MERTK: variants seen among roughly 807,000 people sequenced by gnomAD.
The protein encoded by MERTK is tyrosine-protein kinase Mer.
A neutral mutation model predicts 99.3 loss-of-function variants in MERTK; 69 were observed. The ratio of observed to expected loss-of-function variants is 0.70; its 90% CI spans 0.57 to 0.85. The LOEUF is 0.85. Among genes scored for constraint, MERTK ranks in the 40% least tolerant of loss-of-function variants. The probability of loss-of-function intolerance (pLI) is 0.00; values close to 1 mark genes in which losing one functional copy is unlikely to be tolerated. For missense variants in MERTK, 1,125 were observed against 1,249.4 expected (o/e 0.90, Z 1.50); for synonymous variants, 426 against 467.6 (o/e 0.91, Z 1.15).
At chr2:111,934,654 G>A (rs1212555888) in intron 2 of MERTK, among the ~76,000 whole-genome samples, 1 of 151,894 alleles carries the variant, frequency 6.6e-6, no homozygotes, top group African/African-American at 2.4e-5. Flanking sequence ...AAATTTTCTC[G>A]CATTCTGTAG....
At chr2:111,968,355 T>C in intron 6 of MERTK, 103 bp downstream of exon 6, 1 of 901,758 alleles carries the variant, frequency 1.1e-6, no homozygotes, top group South Asian at 1.4e-5. Flanking sequence ...TTTCTCCATC[T>C]CTGTACAGAG....
In MERTK at chr2:111,947,583, G is replaced by C; in HGVS notation, c.757+16G>C. The C allele has an allele frequency of 6.2e-7, 1 of 1,613,448 alleles. No individual in the cohort carries two copies. The highest frequency in any genetic ancestry group is 8.5e-7 in the Non-Finnish European group (1 of 1,179,850). ...ACTGTTCCAGGTAAGTCCGAGCTGT[G>C]GGCTTATTGATTTATTCTCTAATAG... On this transcript the variant is annotated intron_variant, in intron 4 of 18. Coordinates refer to ENST00000295408, the MANE Select transcript of MERTK (RefSeq NM_006343.3).
chr2:111,910,480 G>C (rs1684222322), intron 1 of MERTK, among the ~76,000 whole-genome samples: 1 of 151,866 alleles, frequency 6.6e-6, no homozygotes, highest in African/African-American at 2.4e-5. Flanking sequence ...ATGTTGGCCA[G>C]GCTGATCTCG....
chr2:111,909,324 C>T (rs545474356), intron 1 of MERTK, among the ~76,000 whole-genome samples: 1 of 152,094 alleles, frequency 6.6e-6, no homozygotes, highest in African/African-American at 2.4e-5. Context: ...TAATGAAAGC[C>T]CACCAGAAGT....
intron 8 of MERTK, among the ~76,000 whole-genome samples, chr2:111,983,238 A>G (rs1466802422): frequency 6.6e-6 from 1 of 152,166 alleles, no homozygotes; most frequent in African/African-American, 2.4e-5. Context: ...TTACTTATTC[A>G]TGAGATAGAC....
At chr2:111,901,747 A>C (rs6541942) in intron 1 of MERTK, among the ~76,000 whole-genome samples, 3 of 149,856 alleles carry the variant, frequency 2.0e-5, no homozygotes, top group Admixed American at 2.0e-4. Flanking sequence ...TAGAGACAGG[A>C]TCTCACTATG....
chr2:111,914,676 CT>C (rs1178937402), intron 1 of MERTK, among the ~76,000 whole-genome samples: 7 of 152,046 alleles, frequency 4.6e-5, no homozygotes, highest in Non-Finnish European at 8.8e-5. Context: ...TTTTTTTAGT[CT>C]GTTAGTATGC....
intron 2 of MERTK, among the ~76,000 whole-genome samples, chr2:111,933,966 T>C (rs1353978472): frequency 6.7e-6 from 1 of 148,834 alleles, no homozygotes; most frequent in African/African-American, 2.5e-5. Flanking sequence ...TGAGAGAATA[T>C]GCAATATTTG....
At chr2:112,020,383 G>A (rs1402269641) in intron 16 of MERTK, among the ~76,000 whole-genome samples, 1 of 152,156 alleles carries the variant, frequency 6.6e-6, no homozygotes, top group Non-Finnish European at 1.5e-5. Context: ...ACCCTGGCCT[G>A]AGGGGTTTCT....
intron 1 of MERTK, among the ~76,000 whole-genome samples, chr2:111,925,292 A>ATATATATATATATATATATATATTT (rs372747015): frequency 4.1e-5 from 1 of 24,496 alleles, no homozygotes; most frequent in African/African-American, 1.4e-4. Context: ...ATATATATAT[A>ATATATATATATATATATATATATTT]TTTTTTTTTT....
chr2:111,921,527 T>C (rs1684459668), intron 1 of MERTK, among the ~76,000 whole-genome samples: 4 of 150,982 alleles, frequency 2.6e-5, no homozygotes, highest in Non-Finnish European at 5.9e-5. Flanking sequence ...AGCCTTTCTC[T>C]AAATCACAAA....
chr2:111,899,350 G>T (rs1683996630), intron 1 of MERTK, among the ~76,000 whole-genome samples: 2 of 152,166 alleles, frequency 1.3e-5, no homozygotes, highest in African/African-American at 4.8e-5. Flanking sequence ...CGGCAGTCCT[G>T]GCTGCTCCCA....
intron 15 of MERTK, among the ~76,000 whole-genome samples, chr2:112,012,493 T>G (rs575553088): frequency 6.6e-6 from 1 of 152,254 alleles, no homozygotes; most frequent in East Asian, 1.9e-4. Context: ...TGCATGGAGT[T>G]GCTTTCTAGT....
chr2:111,931,278 C>T (rs1210992765), intron 2 of MERTK, among the ~76,000 whole-genome samples: 2 of 152,146 alleles, frequency 1.3e-5, no homozygotes, highest in Non-Finnish European at 2.9e-5. Context: ...AATGCAACTT[C>T]CACATTACTC....
chr2:111,978,579 A>G (rs530222179), intron 7 of MERTK, among the ~76,000 whole-genome samples: 1 of 152,320 alleles, frequency 6.6e-6, no homozygotes, highest in East Asian at 1.9e-4. Flanking sequence ...GCATGAGCCT[A>G]TAATAGGGGA....
intron 4 of MERTK, among the ~76,000 whole-genome samples, chr2:111,960,385 G>A (rs1462445663): frequency 6.6e-6 from 1 of 151,186 alleles, no homozygotes; most frequent in African/African-American, 2.4e-5. Flanking sequence ...GGAGACTGAG[G>A]CAGGAGAATC....
chr2:111,912,942 T>A, intron 1 of MERTK: 2 of 744,976 alleles, frequency 2.7e-6, no homozygotes, highest in Non-Finnish European at 3.3e-6. Context: ...GGGCAAGTCG[T>A]TTAGCATCTG....
At chr2:111,975,226 C>T in intron 6 of MERTK, 63 bp from the exon 7 acceptor site, 1 of 1,524,966 alleles carries the variant, frequency 6.6e-7, no homozygotes, top group South Asian at 1.1e-5. Flanking sequence ...TGCACACAGG[C>T]CCCGTGCCTG....
chr2:112,001,095 G>C (rs1676859133), intron 10 of MERTK, 106 bp from the exon 11 acceptor site: 2 of 832,698 alleles, frequency 2.4e-6, no homozygotes, highest in Admixed American at 3.7e-5. Flanking sequence ...TTTTGTTGTA[G>C]AAGAGCCCAT....
Sources: gnomAD v4.1 joint callset for allele counts (sites outside exome capture counted in the v4.1 genomes callset) on GRCh38, gnomAD v4.1.1 for gene constraint, MANE v1.5 for transcripts, NCBI Gene and HGNC (gene_info 2026-07-23, HGNC 2026-07-21) for gene names.